Variants in SPTSSA observed in about 807,000 individuals in gnomAD.
SPTSSA encodes the protein serine palmitoyltransferase small subunit A.
A neutral mutation model predicts 9.1 loss-of-function variants in SPTSSA; 8 were observed. The observed-to-expected ratio is 0.88, with a 90% CI of 0.51 to 1.58. The LOEUF is 1.58. SPTSSA is among the 40% of genes most tolerant of loss of function. The pLI is 0.00. For missense variants in SPTSSA, 100 were observed against 93.8 expected, an observed-to-expected ratio of 1.07 and a Z score of -0.27; for synonymous variants, 42 against 37.7, an observed-to-expected ratio of 1.11 and a Z score of -0.41.
chr14:34,446,360 T>A (rs969325607), intron 1 of SPTSSA, among the ~76,000 whole-genome samples: 1 of 152,244 alleles, frequency 6.6e-6, no homozygotes, highest in Non-Finnish European at 1.5e-5. Context: ...TTTACTATCA[T>A]GAAACTCTTA....
chr14:34,451,638 G>A (rs928916778), intron 1 of SPTSSA, among the ~76,000 whole-genome samples: 1 of 151,308 alleles, frequency 6.6e-6, no homozygotes, highest in Non-Finnish European at 1.5e-5. Context: ...CAGGAGAATG[G>A]CGTGAACTCG....
intron 1 of SPTSSA, among the ~76,000 whole-genome samples, chr14:34,435,652 G>A (rs1313119044): frequency 4.1e-5 from 4 of 98,632 alleles, no homozygotes; most frequent in African/African-American, 1.9e-4. Context: ...TTTTGAGACA[G>A]AGTTTTGCTC....
At chr14:34,453,599 A>G (rs1465445128) in intron 1 of SPTSSA, among the ~76,000 whole-genome samples, 1 of 152,186 alleles carries the variant, frequency 6.6e-6, no homozygotes, top group East Asian at 1.9e-4. Flanking sequence ...GATGCCAAGT[A>G]TTGTGTTTGT....
chr14:34,441,831 AT>A (rs113214812), intron 1 of SPTSSA, among the ~76,000 whole-genome samples: 2,577 of 141,090 alleles, frequency 0.018, 58 homozygotes, highest in African/African-American at 0.059. Flanking sequence ...GTCTTTTTCC[AT>A]TTTTTTTTTT....
intron 1 of SPTSSA, among the ~76,000 whole-genome samples, chr14:34,457,479 G>A (rs1878508387): frequency 6.6e-6 from 1 of 152,154 alleles, no homozygotes; most frequent in South Asian, 2.1e-4. Context: ...TCAGTCTATG[G>A]TAGGTCTCCT....
At chr14:34,455,079 T>A (rs1883593498) in intron 1 of SPTSSA, among the ~76,000 whole-genome samples, 1 of 146,946 alleles carries the variant, frequency 6.8e-6, no homozygotes, top group Admixed American at 6.9e-5. Flanking sequence ...AGATCAAGAC[T>A]CCATCTTGAG....
chr14:34,442,847 G>A (rs559262743), intron 1 of SPTSSA, among the ~76,000 whole-genome samples: 1 of 152,088 alleles, frequency 6.6e-6, no homozygotes, highest in East Asian at 1.9e-4. Context: ...GCCTTCCTTG[G>A]ATTATCTCTT....
At chr14:34,449,183 A>G (rs993981197) in intron 1 of SPTSSA, among the ~76,000 whole-genome samples, 2 of 151,584 alleles carry the variant, frequency 1.3e-5, no homozygotes, top group African/African-American at 4.9e-5. Flanking sequence ...TTGGTTCAAG[A>G]CTAAGAGTTC....
intron 1 of SPTSSA, among the ~76,000 whole-genome samples, chr14:34,443,678 GGT>G (rs1491511277): frequency 6.6e-6 from 1 of 152,022 alleles, no homozygotes; most frequent in Non-Finnish European, 1.5e-5. Context: ...TGGGATTACA[GGT>G]GCCCGCCACC....
intron 1 of SPTSSA, among the ~76,000 whole-genome samples, chr14:34,457,844 G>C (rs746447346): frequency 6.6e-6 from 1 of 151,596 alleles, no homozygotes. Flanking sequence ...ATGGTGGCAC[G>C]GCCTGTAGTC....
rs575899679 is a variant in SPTSSA, at chr14:34,452,406, G to A, written c.112+9690C>T. On this transcript the variant is annotated intron_variant, in intron 1 of 1. Coordinates refer to ENST00000298130, the MANE Select transcript of SPTSSA (RefSeq NM_138288.4). ...GTATGTTAACCAATTTGATATTCAA[G>A]GGTCATGTTAAAGGATAGCACATCA... Among the ~76,000 whole-genome samples the A allele has an allele frequency of 2.0e-5, 3 of 152,204 alleles. No individual in the cohort carries two copies. The East Asian group carries it at 5.8e-4, about 29-fold the overall frequency.
intron 1 of SPTSSA, among the ~76,000 whole-genome samples, chr14:34,439,893 T>TC (rs1883292405): frequency 6.6e-6 from 1 of 152,162 alleles, no homozygotes; most frequent in Non-Finnish European, 1.5e-5. Flanking sequence ...AAAGCCCTAC[T>TC]CCCCCTAGTA....
intron 1 of SPTSSA, among the ~76,000 whole-genome samples, chr14:34,458,771 C>G (rs1018822485): frequency 6.6e-6 from 1 of 150,544 alleles, no homozygotes; most frequent in Non-Finnish European, 1.5e-5. Context: ...TTTACAACAG[C>G]TTTTAACTAA....
chr14:34,450,831 T>C (rs80353230), intron 1 of SPTSSA, among the ~76,000 whole-genome samples: 2,711 of 152,266 alleles, frequency 0.018, 87 homozygotes, highest in African/African-American at 0.062. Context: ...TAAATGTTTG[T>C]TCAAGGGCTG....
chr14:34,439,113 C>T (rs1051356913), intron 1 of SPTSSA, among the ~76,000 whole-genome samples: 2 of 152,116 alleles, frequency 1.3e-5, no homozygotes, highest in African/African-American at 4.8e-5. Flanking sequence ...GTCTCAGCTC[C>T]CACAGGGCAC....
intron 1 of SPTSSA, among the ~76,000 whole-genome samples, chr14:34,436,859 T>C (rs879426597): frequency 6.6e-6 from 1 of 152,158 alleles, no homozygotes; most frequent in Non-Finnish European, 1.5e-5. Context: ...TCACAATCTT[T>C]TTTTTACAAT....
At chr14:34,455,154 G>A (rs1226813040) in intron 1 of SPTSSA, among the ~76,000 whole-genome samples, 4 of 151,848 alleles carry the variant, frequency 2.6e-5, no homozygotes, top group Admixed American at 2.0e-4. Flanking sequence ...TTGGGAGGCC[G>A]AGGTGGGCGG....
At chr14:34,449,205 G>A (rs2138827599) in intron 1 of SPTSSA, among the ~76,000 whole-genome samples, 1 of 151,772 alleles carries the variant, frequency 6.6e-6, no homozygotes, top group Non-Finnish European at 1.5e-5. Context: ...AGACCAGCCT[G>A]GGCAACAATA....
chr14:34,440,484 TTACA>T (rs1346946114), intron 1 of SPTSSA, among the ~76,000 whole-genome samples: 1 of 152,238 alleles, frequency 6.6e-6, no homozygotes, highest in African/African-American at 2.4e-5. Context: ...AATATGTATG[TTACA>T]TAGTCTTTAT....
Sources: gnomAD v4.1 joint callset for allele counts (sites outside exome capture counted in the v4.1 genomes callset) on GRCh38, gnomAD v4.1.1 for gene constraint, MANE v1.5 for transcripts, NCBI Gene and HGNC (gene_info 2026-07-23, HGNC 2026-07-21) for gene names.